SGCG: variants seen among roughly 807,000 people sequenced by gnomAD.
SGCG encodes the protein gamma-sarcoglycan.
Under a neutral mutation model 29.3 loss-of-function variants are expected in SGCG, and 26 were observed. The ratio of observed to expected loss-of-function variants is 0.89; its 90% CI spans 0.65 to 1.23. The LOEUF (loss-of-function observed/expected upper bound fraction) is 1.23. SGCG is among the 50% of genes most tolerant of loss of function. The pLI, the probability that SGCG is intolerant of heterozygous loss-of-function variation, is 0.00. For missense variants in SGCG, 353 were observed against 356.0 expected (o/e 0.99, Z 0.07); for synonymous variants, 145 against 129.7 (o/e 1.12, Z -0.80).
At chr13:23,174,812 G>A in the SGCG span, among the ~76,000 whole-genome samples, 1 of 152,126 alleles carries the variant, frequency 6.6e-6, no homozygotes, top group Non-Finnish European at 1.5e-5. Flanking sequence ...AACACCGTTT[G>A]TTGCATTTTT....
chr13:23,178,585 C>T (rs752996059), upstream of SGCG, among the ~76,000 whole-genome samples: 5 of 152,160 alleles, frequency 3.3e-5, no homozygotes, highest in Non-Finnish European at 5.9e-5. Context: ...TTTATAACTT[C>T]ATTTGGGCCT....
chr13:23,210,674 G>C (rs970227875), intron 2 of SGCG, among the ~76,000 whole-genome samples: 10 of 152,158 alleles, frequency 6.6e-5, no homozygotes, highest in African/African-American at 2.4e-4. Context: ...CTGGGCGACA[G>C]AGCAAGACCC....
chr13:23,319,934 T>A (rs1485508590), intron 6 of SGCG, among the ~76,000 whole-genome samples: 1 of 152,236 alleles, frequency 6.6e-6, no homozygotes, highest in Admixed American at 6.5e-5. Flanking sequence ...GAAAGTCTGA[T>A]AAATTTTACA....
intron 4 of SGCG, among the ~76,000 whole-genome samples, chr13:23,252,506 A>G (rs1880007511): frequency 1.3e-5 from 2 of 152,120 alleles, no homozygotes; most frequent in African/African-American, 2.4e-5. Flanking sequence ...CCTGGCTAAC[A>G]CAGTGAAACC....
intron 5 of SGCG, among the ~76,000 whole-genome samples, chr13:23,285,783 T>TG (rs60434170): frequency 0.43 from 65,824 of 151,938 alleles, 15,096 homozygotes; most frequent in Middle Eastern, 0.65. Context: ...GCGAAGACCA[T>TG]GGGAAAAGCA....
At chr13:23,279,289 A>G (rs975351557) in intron 4 of SGCG, 70 bp from the exon 5 acceptor site, 5 of 1,420,104 alleles carry the variant, frequency 3.5e-6, no homozygotes, top group South Asian at 1.2e-5. Context: ...TTGACGTGGC[A>G]TGTGTAAAAA....
Position 23,287,935 on chromosome 13 carries a change from A to C in SGCG, c.506-7480A>C, listed in dbSNP as rs9507070. Reference sequence around the variant, plus strand: ...ACGCCCAGCTAATTTTTGAATTTTCAGAAGAGATGGGGTTTCACCATGTTA... The same window carrying C: ...ACGCCCAGCTAATTTTTGAATTTTCCGAAGAGATGGGGTTTCACCATGTTA... On this transcript the variant is annotated intron_variant, in intron 5 of 7. Coordinates refer to ENST00000218867, the MANE Select transcript of SGCG (RefSeq NM_000231.3). Among the ~76,000 whole-genome samples, 396 of 152,028 alleles carry C rather than the reference A, an allele frequency of 2.6e-3. 2 individuals are homozygous for C. The highest frequency in any genetic ancestry group is 8.9e-3 in the African/African-American group (371 of 41,488).
At chr13:23,163,162 A>G in the SGCG span, among the ~76,000 whole-genome samples, 2 of 152,208 alleles carry the variant, frequency 1.3e-5, no homozygotes, top group East Asian at 1.9e-4. Context: ...TTTTCTATAC[A>G]GGGATCCCTG....
At chr13:23,221,366 A>C (rs1381833388) in intron 2 of SGCG, among the ~76,000 whole-genome samples, 1 of 151,966 alleles carries the variant, frequency 6.6e-6, no homozygotes, top group Non-Finnish European at 1.5e-5. Context: ...ACTAAAATGC[A>C]GAGTCACTTA....
At chr13:23,294,350 G>A (rs998819982) in intron 5 of SGCG, among the ~76,000 whole-genome samples, 8 of 152,176 alleles carry the variant, frequency 5.3e-5, no homozygotes, top group Non-Finnish European at 1.0e-4. Context: ...TGAAAGATAC[G>A]TTTGTATTCC....
intron 2 of SGCG, 50 bp from the exon 3 acceptor site, chr13:23,234,561 A>T (rs1241335857): frequency 7.8e-7 from 1 of 1,277,530 alleles, no homozygotes; most frequent in South Asian, 1.2e-5. Context: ...AGAGGAATGA[A>T]AAAGCAAGCA....
At chr13:23,311,786 A>G (rs973750146) in intron 6 of SGCG, among the ~76,000 whole-genome samples, 2 of 152,186 alleles carry the variant, frequency 1.3e-5, no homozygotes, top group African/African-American at 4.8e-5. Flanking sequence ...TTATCTTTCT[A>G]TCTAATTTCT....
upstream of SGCG, among the ~76,000 whole-genome samples, chr13:23,179,010 C>G (rs926990390): frequency 6.6e-6 from 1 of 152,192 alleles, no homozygotes; most frequent in Admixed American, 6.5e-5. Context: ...AGCACGTTTA[C>G]AGTGGAGCAC....
intron 4 of SGCG, among the ~76,000 whole-genome samples, chr13:23,253,247 A>G (rs1394487570): frequency 6.6e-6 from 1 of 152,182 alleles, no homozygotes; most frequent in East Asian, 1.9e-4. Context: ...ACCATCTCTA[A>G]AAATAAAAAT....
At chr13:23,271,245 A>G (rs767142396) in intron 4 of SGCG, among the ~76,000 whole-genome samples, 3 of 152,140 alleles carry the variant, frequency 2.0e-5, no homozygotes, top group Non-Finnish European at 4.4e-5. Context: ...TTTAAACTTG[A>G]AATGCCGTCA....
intron 2 of SGCG, among the ~76,000 whole-genome samples, chr13:23,233,728 T>C (rs1879194370): frequency 6.6e-6 from 1 of 152,120 alleles, no homozygotes; most frequent in South Asian, 2.1e-4. Flanking sequence ...AAAAAATGGA[T>C]AAGCCTCCAA....
At chr13:23,172,475 G>T in the SGCG span, among the ~76,000 whole-genome samples, 4 of 152,208 alleles carry the variant, frequency 2.6e-5, no homozygotes, top group African/African-American at 9.6e-5. Flanking sequence ...TGCTGTTGGA[G>T]AATCAACTAC....
chr13:23,178,210 G>A (rs952802171), upstream of SGCG, among the ~76,000 whole-genome samples: 1 of 152,190 alleles, frequency 6.6e-6, no homozygotes, highest in African/African-American at 2.4e-5. Context: ...TAGGTACTTG[G>A]CTATAGCAAT....
intron 2 of SGCG, among the ~76,000 whole-genome samples, chr13:23,213,059 G>T (rs1397849262): frequency 1.3e-5 from 2 of 152,154 alleles, no homozygotes; most frequent in African/African-American, 2.4e-5. Context: ...GAAACTTTCT[G>T]TACGGAGCTG....
Sources: gnomAD v4.1 joint callset for allele counts (sites outside exome capture counted in the v4.1 genomes callset) on GRCh38, gnomAD v4.1.1 for gene constraint, MANE v1.5 for transcripts, NCBI Gene and HGNC (gene_info 2026-07-23, HGNC 2026-07-21) for gene names.